Variants in PDE7B observed in about 807,000 individuals in gnomAD.
PDE7B encodes phosphodiesterase 7B, also known as 3',5'-cyclic-AMP phosphodiesterase 7B.
Under a neutral mutation model 56.2 loss-of-function variants are expected in PDE7B, and 29 were observed. That is an observed-to-expected ratio of 0.52 (90% CI 0.38 to 0.70). The LOEUF (loss-of-function observed/expected upper bound fraction) is 0.70. Ranked by LOEUF, PDE7B falls within the 30% of genes least tolerant of loss-of-function variation. The pLI, the probability that PDE7B is intolerant of heterozygous loss-of-function variation, is 0.00. For missense variants in PDE7B, 490 were observed against 565.0 expected, an observed-to-expected ratio of 0.87 and a Z score of 1.35; for synonymous variants, 197 against 196.9, an observed-to-expected ratio of 1.00 and a Z score of 0.00.
chr6:135,924,617 C>CT (rs3037775), intron 1 of PDE7B, among the ~76,000 whole-genome samples: 617 of 49,576 alleles, frequency 0.012, 23 homozygotes, highest in African/African-American at 0.025. Flanking sequence ...CTCTCTCTCT[C>CT]TTTTTTTTTT....
chr6:136,042,177 A>G (rs1390510358), intron 2 of PDE7B, among the ~76,000 whole-genome samples: 1 of 152,198 alleles, frequency 6.6e-6, no homozygotes, highest in African/African-American at 2.4e-5. Context: ...AAAGATCCCC[A>G]ACTGTTATCA....
intron 1 of PDE7B, among the ~76,000 whole-genome samples, chr6:135,933,760 T>G (rs1336262061): frequency 6.6e-6 from 1 of 152,208 alleles, no homozygotes; most frequent in Non-Finnish European, 1.5e-5. Context: ...CACAGGCAGA[T>G]TTACTAGGAA....
chr6:136,038,138 C>T, intron 2 of PDE7B: 1 of 1,290,234 alleles, frequency 7.8e-7, no homozygotes, highest in Non-Finnish European at 1.0e-6. Context: ...TGGAGAGGAT[C>T]TTACGGGGGT....
intron 1 of PDE7B, among the ~76,000 whole-genome samples, chr6:135,928,332 A>G (rs1056730675): frequency 3.3e-5 from 5 of 149,910 alleles, no homozygotes; most frequent in Non-Finnish European, 5.9e-5. Context: ...AAAAAGGCAC[A>G]TACACTCATA....
At chr6:135,902,368 A>G (rs1200669694) in intron 1 of PDE7B, among the ~76,000 whole-genome samples, 1 of 151,972 alleles carries the variant, frequency 6.6e-6, no homozygotes, top group East Asian at 1.9e-4. Context: ...ACAACTGCAA[A>G]AATGATTGCT....
chr6:136,018,598 G>C (rs1776017356), intron 2 of PDE7B, among the ~76,000 whole-genome samples: 2 of 151,970 alleles, frequency 1.3e-5, no homozygotes, highest in African/African-American at 4.8e-5. Context: ...AAAAGAACAT[G>C]GTGCCTCCTC....
intron 2 of PDE7B, among the ~76,000 whole-genome samples, chr6:135,949,301 A>G (rs1774653329): frequency 6.6e-6 from 1 of 152,058 alleles, no homozygotes; most frequent in South Asian, 2.1e-4. Context: ...ATTAGTTTAT[A>G]GCTAGAACAG....
At chr6:135,882,259 C>T (rs917415164) in intron 1 of PDE7B, among the ~76,000 whole-genome samples, 5 of 152,164 alleles carry the variant, frequency 3.3e-5, no homozygotes, top group African/African-American at 1.2e-4. Flanking sequence ...AGAACAAAGA[C>T]TTCGATTAAA....
chr6:136,044,911 A>C (rs1479156427), intron 2 of PDE7B: 1 of 149,056 alleles, frequency 6.7e-6, no homozygotes, highest in Non-Finnish European at 1.5e-5. Flanking sequence ...CTCTGCAAAC[A>C]GTTTCTTTTT....
intron 2 of PDE7B, among the ~76,000 whole-genome samples, chr6:135,982,095 A>G (rs1289166675): frequency 2.6e-5 from 4 of 152,108 alleles, no homozygotes; most frequent in South Asian, 2.1e-4. Flanking sequence ...GCACATGACT[A>G]TACTTATCCT....
chr6:136,016,016 A>G (rs1775970866), intron 2 of PDE7B, among the ~76,000 whole-genome samples: 1 of 152,166 alleles, frequency 6.6e-6, no homozygotes, highest in Non-Finnish European at 1.5e-5. Flanking sequence ...ATAAAAGAAA[A>G]ACTTCTTTGA....
chr6:135,855,830 G>A (rs1272692878), intron 1 of PDE7B, among the ~76,000 whole-genome samples: 8 of 152,138 alleles, frequency 5.3e-5, no homozygotes, highest in Admixed American at 3.3e-4. Context: ...GAACACTGGC[G>A]CAAGGTGGTG....
intron 2 of PDE7B, among the ~76,000 whole-genome samples, chr6:136,068,588 G>T (rs1487758244): frequency 6.6e-6 from 1 of 151,870 alleles, no homozygotes; most frequent in Non-Finnish European, 1.5e-5. Context: ...CCGCCACCAC[G>T]CCCGGCTAAT....
chr6:136,116,639 T>C (rs571675073), intron 3 of PDE7B, among the ~76,000 whole-genome samples: 2 of 151,936 alleles, frequency 1.3e-5, no homozygotes, highest in East Asian at 3.9e-4. Context: ...AGAGGATGAG[T>C]TAGGGGAAAG....
intron 2 of PDE7B, among the ~76,000 whole-genome samples, chr6:136,028,876 A>G: frequency 6.6e-6 from 1 of 152,202 alleles, no homozygotes; most frequent in East Asian, 1.9e-4. Context: ...GAGGACTAGG[A>G]TGTGGGCACC....
rs1479532996 is a variant in PDE7B, at chr6:136,147,434, C to T, written c.250C>T (p.Leu84=). ...SFQRYFHASR[L]LRGIIPQAPL... is the part of the protein sequence containing the mutation. The stretch of plus-strand genomic sequence containing the variant: ...TCAAAGATACTTCCATGCATCAAGG[C>T]TGCTTCGTGGAATTATACCACAAGC... The change falls in exon 4 of 13, where the codon CTG becomes TTG. Residue 84 remains leucine (L), a synonymous_variant. Transcript: ENST00000308191. 3 of 1,613,298 alleles carry T rather than the reference C, an allele frequency of 1.9e-6. No individual in the cohort carries two copies. The highest frequency in any genetic ancestry group is 2.2e-5 in the East Asian group (1 of 44,894).
At chr6:136,113,223 A>G (rs1379917498) in intron 3 of PDE7B, among the ~76,000 whole-genome samples, 2 of 152,276 alleles carry the variant, frequency 1.3e-5, no homozygotes, top group South Asian at 4.1e-4. Flanking sequence ...CCATTCCACA[A>G]TGTGTGTGTG....
Position 136,170,505 on chromosome 6 carries a change from T to C in PDE7B, c.712-3292T>C, listed in dbSNP as rs575393612. Among the ~76,000 whole-genome samples, 13 of 152,294 alleles carry C rather than the reference T, an allele frequency of 8.5e-5. No individual in the cohort carries two copies. The East Asian group carries it at 1.4e-3, about 16-fold the overall frequency. On this transcript the variant is annotated intron_variant, in intron 8 of 12. Coordinates refer to ENST00000308191, the MANE Select transcript of PDE7B (RefSeq NM_018945.4). ...AACCACCCATTCTACTTTCTGTCTC[T>C]AAGACTGTGGCTACTCTAGGTACCT...
intron 2 of PDE7B, among the ~76,000 whole-genome samples, chr6:135,977,337 A>G (rs1032320111): frequency 1.3e-5 from 2 of 152,230 alleles, no homozygotes; most frequent in Middle Eastern, 3.4e-3. Context: ...GATTGAAAAC[A>G]TTTGATGAGG....
Sources: allele counts gnomAD v4.1 joint callset (sites outside exome capture counted in the v4.1 genomes callset), GRCh38; gene constraint gnomAD v4.1.1; transcripts MANE v1.5; gene names NCBI Gene and HGNC (gene_info 2026-07-23, HGNC 2026-07-21).